Variants in ABCB5 observed in about 807,000 individuals in gnomAD.
The protein encoded by ABCB5 is ATP-binding cassette sub-family B member 5.
A neutral mutation model predicts 144.2 loss-of-function variants in ABCB5; 155 were observed. The observed-to-expected ratio is 1.08, with a 90% CI of 0.94 to 1.23. The LOEUF (loss-of-function observed/expected upper bound fraction) is 1.23. Ranked by LOEUF, ABCB5 falls within the 50% of genes most tolerant of loss-of-function variation. ABCB5 has a pLI of 0.00. For missense variants in ABCB5, 1,830 were observed against 1,520.8 expected, an observed-to-expected ratio of 1.20 and a Z score of -3.38; for synonymous variants, 610 against 528.6, an observed-to-expected ratio of 1.15 and a Z score of -2.11.
At chr7:20,634,455 T>G (rs1004098151) in intron 5 of ABCB5, among the ~76,000 whole-genome samples, 2 of 152,102 alleles carry the variant, frequency 1.3e-5, no homozygotes, top group Admixed American at 1.3e-4. Flanking sequence ...CAATTTTTAG[T>G]TCTTTGAGAA....
At chr7:20,748,093 G>A (rs1040639075) in intron 26 of ABCB5, among the ~76,000 whole-genome samples, 14 of 152,166 alleles carry the variant, frequency 9.2e-5, no homozygotes, top group African/African-American at 3.1e-4. Flanking sequence ...TAGAAACTCA[G>A]CATTTGAACC....
chr7:20,692,241 G>C (rs898770910), intron 16 of ABCB5, among the ~76,000 whole-genome samples: 32 of 151,906 alleles, frequency 2.1e-4, no homozygotes, highest in African/African-American at 7.0e-4. Context: ...AAAGCATCCA[G>C]AGAAATTGAC....
At chr7:20,651,661 T>G (rs1461056272) in intron 13 of ABCB5, 38 bp downstream of exon 13, 1 of 1,594,720 alleles carries the variant, frequency 6.3e-7, no homozygotes, top group Non-Finnish European at 8.6e-7. Context: ...TAGCTTATGG[T>G]GGCAGCGCTG....
At chr7:20,745,184 T>C (rs752454435) in intron 25 of ABCB5, 48 bp from the exon 26 acceptor site, 2 of 1,553,556 alleles carry the variant, frequency 1.3e-6, no homozygotes, top group South Asian at 2.2e-5. Flanking sequence ...TGTAACATGA[T>C]ACAGTTGTGT....
At chr7:20,699,771 C>T in intron 17 of ABCB5, 54 bp from the exon 18 acceptor site, 2 of 1,232,146 alleles carry the variant, frequency 1.6e-6, no homozygotes, top group African/African-American at 1.5e-5. Flanking sequence ...TTCACTTTTT[C>T]TGTTTCTTTT....
intron 23 of ABCB5, among the ~76,000 whole-genome samples, chr7:20,734,884 G>A (rs964039416): frequency 6.6e-6 from 1 of 152,146 alleles, no homozygotes; most frequent in Non-Finnish European, 1.5e-5. Flanking sequence ...CATTCTATTT[G>A]TTATTTCACT....
chr7:20,701,614 G>A (rs1214147821), intron 19 of ABCB5, among the ~76,000 whole-genome samples: 1 of 152,114 alleles, frequency 6.6e-6, no homozygotes, highest in Non-Finnish European at 1.5e-5. Flanking sequence ...CCTCTGTCTA[G>A]CATTAGCCAT....
chr7:20,634,471 T>C (rs1383285531), intron 5 of ABCB5, among the ~76,000 whole-genome samples: 1 of 152,090 alleles, frequency 6.6e-6, no homozygotes, highest in Non-Finnish European at 1.5e-5. Flanking sequence ...GAGAAATCTC[T>C]ATACTGTTTT....
chr7:20,710,537 A>G (rs1786995734), intron 20 of ABCB5, among the ~76,000 whole-genome samples: 1 of 149,642 alleles, frequency 6.7e-6, no homozygotes, highest in South Asian at 2.1e-4. Context: ...TCTTATGGAC[A>G]ATATAAAAGC....
chr7:20,653,740 C>G (rs964925807), intron 13 of ABCB5, among the ~76,000 whole-genome samples: 1 of 152,208 alleles, frequency 6.6e-6, no homozygotes, highest in South Asian at 2.1e-4. Context: ...GAAGCCCAGT[C>G]TGTATGGGCA....
chr7:20,726,481 C>T (rs530737500), intron 21 of ABCB5, among the ~76,000 whole-genome samples: 85 of 149,126 alleles, frequency 5.7e-4, no homozygotes, highest in African/African-American at 2.0e-3. Context: ...ATTCTCGTGC[C>T]TTAGCTTCCT....
chr7:20,681,115 T>TCTTTCTTTCTTTC (rs1785811725), intron 14 of ABCB5, among the ~76,000 whole-genome samples: 1 of 5,838 alleles, frequency 1.7e-4, no homozygotes, highest in African/African-American at 3.0e-4. Flanking sequence ...TTTCTTTCTT[T>TCTTTCTTTCTTTC]CTTTCTTTCT....
chr7:20,742,913 T>G lies in ABCB5; in HGVS notation c.3061T>G (p.Ser1021Ala), dbSNP rs1230506886. 1.2e-6 allele frequency: 2 copies of G among 1,614,090 alleles called. No individual in the cohort carries two copies. The highest frequency in any genetic ancestry group is 1.7e-6 in the Non-Finnish European group (2 of 1,180,036). The change falls in exon 25 of 28, where the codon TCT becomes GCT. Residue 1021 changes from serine to alanine, a missense_variant. Transcript: ENST00000404938. ...CEGNLEFREV[S>A]FFYPCRPDVF... ...AGGGAATTTAGAGTTTCGAGAAGTC[T>G]CTTTCTTCTATCCATGTCGCCCAGA... is the stretch of plus-strand genomic sequence containing the variant.
Position 20,643,218 on chromosome 7 carries a change from G to GTATGTAA in ABCB5, c.349_350insTATGTAA (p.Ala117ValfsTer42). On this transcript the variant is annotated frameshift_variant, in exon 6 of 28. Transcript: ENST00000404938. LOFTEE classifies it high-confidence loss of function. ...GTATTATGTTGGAATAGGTGTTGCT[G>GTATGTAA]CCTTGATTTTTGGTTACATACAGAT... The GTATGTAA allele has an allele frequency of 6.2e-7, 1 of 1,613,118 alleles. No individual in the cohort carries two copies. The highest frequency in any genetic ancestry group is 1.1e-5 in the South Asian group (1 of 90,920).
In ABCB5 at chr7:20,650,065, T is replaced by C. The variant is rs771934899; in HGVS notation, c.1250T>C (p.Val417Ala). The change falls in exon 12 of 28, where the codon GTC becomes GCC. Residue 417 changes from valine to alanine, a missense_variant. Val to Ala is a moderately conservative substitution (Grantham distance 64). Transcript: ENST00000404938. ...CTCAGAATTAAGTCTGGAGAGACAGTCGCCTTGGTCGGTCTCAATGGCAGT... is the reference window on the plus strand; with the variant it reads ...CTCAGAATTAAGTCTGGAGAGACAGCCGCCTTGGTCGGTCTCAATGGCAGT... ...LNLRIKSGET[V>A]ALVGLNGSGK... 2 of 1,613,416 alleles carry C rather than the reference T, an allele frequency of 1.2e-6. No homozygotes were observed. Among genetic ancestry groups the C allele is most frequent in the South Asian group, 1.1e-5 (1 of 91,040 alleles).
At chr7:20,706,841 T>A (rs1288292134) in intron 20 of ABCB5, among the ~76,000 whole-genome samples, 1 of 152,178 alleles carries the variant, frequency 6.6e-6, no homozygotes, top group African/African-American at 2.4e-5. Context: ...CTCTATATTT[T>A]AAAAAATCTA....
chr7:20,627,521 G>A (rs574494719), intron 3 of ABCB5, among the ~76,000 whole-genome samples: 44 of 151,760 alleles, frequency 2.9e-4, no homozygotes, highest in African/African-American at 9.2e-4. Context: ...GGCCTCTCTC[G>A]GTAATATAAA....
At chr7:20,650,311 G>C (rs1198681718) in intron 12 of ABCB5, among the ~76,000 whole-genome samples, 164 bp downstream of exon 12, 1 of 152,132 alleles carries the variant, frequency 6.6e-6, no homozygotes, top group Non-Finnish European at 1.5e-5. Context: ...TTTATTTAGA[G>C]CCTACTATGT....
intron 5 of ABCB5, 95 bp from the exon 6 acceptor site, chr7:20,643,089 A>C: frequency 9.5e-7 from 1 of 1,054,302 alleles, no homozygotes; most frequent in Non-Finnish European, 1.4e-6. Flanking sequence ...TTCTAGCATA[A>C]ATTTCCTCAA....
Sources: gnomAD v4.1 joint callset for allele counts (sites outside exome capture counted in the v4.1 genomes callset) on GRCh38, gnomAD v4.1.1 for gene constraint, MANE v1.5 for transcripts, NCBI Gene and HGNC (gene_info 2026-07-23, HGNC 2026-07-21) for gene names.